The following PIK3R5 variants were observed in gnomAD, a reference collection of about 807,000 sequenced individuals.
PIK3R5 encodes phosphoinositide-3-kinase regulatory subunit 5, also known as phosphoinositide 3-kinase regulatory subunit 5.
A neutral mutation model predicts 94.9 loss-of-function variants in PIK3R5; 32 were observed. The observed-to-expected ratio is 0.34, with a 90% CI of 0.25 to 0.45. The LOEUF (loss-of-function observed/expected upper bound fraction) is 0.45. Ranked by LOEUF, PIK3R5 falls within the 20% of genes least tolerant of loss-of-function variation. The pLI is 1.00. For synonymous variants in PIK3R5, 443 were observed against 479.4 expected (o/e 0.92, Z 0.99); for missense variants, 853 against 1,144.6 (o/e 0.75, Z 3.68).
chr17:8,913,282 T>C (rs963748740), intron 1 of PIK3R5, among the ~76,000 whole-genome samples: 14 of 152,142 alleles, frequency 9.2e-5, no homozygotes, highest in African/African-American at 3.1e-4. Context: ...ACAGTCTGGG[T>C]GCAGGAATTA....
chr17:8,881,921 C>G lies in PIK3R5; in HGVS notation c.2206-40G>C. The G allele has an allele frequency of 1.4e-6, 2 of 1,473,952 alleles. No individual in the cohort carries two copies. Among genetic ancestry groups the G allele is most frequent in the Non-Finnish European group, 1.9e-6 (2 of 1,060,136 alleles). The allele number at this position is 1,473,952 out of a possible 1,614,324, so 91.3% of individuals were successfully genotyped here. A position where few individuals can be genotyped will look rare whatever the true frequency, so the allele number is the denominator to read the frequency against. ...TAGCCAGACCCTCTGAGTCCAGAGG[C>G]CCCGGTGCCTGCTGCCTTCTCTTTG... is the stretch of plus-strand genomic sequence containing the variant. On this transcript the variant is annotated intron_variant, in intron 15 of 18. Coordinates refer to ENST00000447110, the MANE Select transcript of PIK3R5 (RefSeq NM_001142633.3). The surrounding 1 kb of genome is among the most constrained non-coding windows in gnomAD (Gnocchi z 4.8).
intron 5 of PIK3R5, among the ~76,000 whole-genome samples, chr17:8,901,240 G>C (rs1275259131): frequency 6.6e-6 from 1 of 152,214 alleles, no homozygotes; most frequent in Non-Finnish European, 1.5e-5. Flanking sequence ...GGCAAACCCA[G>C]CTTTTACCTT....
At chr17:8,964,515 G>A (rs1297788704) in intron 1 of PIK3R5, among the ~76,000 whole-genome samples, 2 of 152,146 alleles carry the variant, frequency 1.3e-5, no homozygotes, top group African/African-American at 4.8e-5. Context: ...AGCTGGATCC[G>A]GTTGGAACTT....
At position 8,880,550 on chromosome 17, in the gene PIK3R5, A is replaced by G; in HGVS notation, c.*89T>C. Reference sequence around the variant, plus strand: ...TGGGACTATGGCTCTGCACAGGGCCATTCAGTTCTCCACAGAGAGGGACTG... The same window carrying G: ...TGGGACTATGGCTCTGCACAGGGCCGTTCAGTTCTCCACAGAGAGGGACTG... On this transcript the variant is annotated 3_prime_UTR_variant, in exon 19 of 19. Coordinates refer to ENST00000447110, the MANE Select transcript of PIK3R5 (RefSeq NM_001142633.3). The G allele has an allele frequency of 7.5e-7, 1 of 1,326,354 alleles. No individual in the cohort carries two copies. The highest frequency in any genetic ancestry group is 1.0e-6 in the Non-Finnish European group (1 of 988,654). 82.2% of individuals were successfully genotyped at this position (1,326,354 alleles called of 1,614,324 possible).
chr17:8,887,677 C>T lies in PIK3R5; in HGVS notation c.1623G>A (p.Leu541=). ...GTGTGAGGAGTGGGCGATTGTTCTCCAGCCGCCTGGCAAGAAGAAGATGGT... is the reference window on the plus strand; with the variant it reads ...GTGTGAGGAGTGGGCGATTGTTCTCTAGCCGCCTGGCAAGAAGAAGATGGT... ...VARAYSNLRR[L]ENNRPLLTRF... is the part of the protein sequence containing the mutation. Residue 541 remains leucine (L), a synonymous_variant, in exon 11 of 19, where the codon CTG becomes CTA. Coordinates refer to ENST00000447110, the MANE Select transcript of PIK3R5 (RefSeq NM_001142633.3). The T allele has an allele frequency of 1.3e-6, 2 of 1,595,342 alleles. No homozygotes were observed. The highest frequency in any genetic ancestry group is 8.5e-7 in the Non-Finnish European group (1 of 1,170,804).
Position 8,888,415 on chromosome 17 carries a change from T to TCCCGC in PIK3R5, c.1371_1372insGCGGG (p.Ser458AlafsTer51). ...GGTTCGTCCAGGGGGCTGCAGAGGC[T>TCCCGC]CCCTGCCCGCCTCAGGGGCAGGGCC... On this transcript the variant is annotated frameshift_variant, in exon 10 of 19. Transcript: ENST00000447110. LOFTEE classifies it high-confidence loss of function. This position sits in a 1 kb window ranked among gnomAD's most constrained non-coding sequence, Gnocchi z 7.8. The TCCCGC allele has an allele frequency of 6.4e-7, 1 of 1,571,104 alleles. No homozygotes were observed. The highest frequency in any genetic ancestry group is 8.6e-7 in the Non-Finnish European group (1 of 1,163,198).
intron 1 of PIK3R5, among the ~76,000 whole-genome samples, chr17:8,918,854 T>C (rs1030070312): frequency 6.6e-6 from 1 of 152,250 alleles, no homozygotes; most frequent in African/African-American, 2.4e-5. Flanking sequence ...ATGTATCCCC[T>C]GCTGTAATGC....
chr17:8,919,892 T>C (rs925380723), intron 1 of PIK3R5, among the ~76,000 whole-genome samples: 1 of 140,376 alleles, frequency 7.1e-6, no homozygotes, highest in Non-Finnish European at 1.5e-5. Flanking sequence ...TTCCTTCTTT[T>C]TTTTTTTTTT....
At position 8,889,618 on chromosome 17, in the gene PIK3R5, C is replaced by T. The variant is rs61759655; in HGVS notation, c.811+355G>A. On this transcript the variant is annotated intron_variant, in intron 8 of 18. Coordinates refer to ENST00000447110, the MANE Select transcript of PIK3R5 (RefSeq NM_001142633.3). The surrounding 1 kb of genome is among the most constrained non-coding windows in gnomAD (Gnocchi z 4.1). ...CTGGAGTCATAGAGACGATGTTTCC[C>T]AGGCTCCTTTGGGGCAAGATGTGGC... Among the ~76,000 whole-genome samples the T allele has an allele frequency of 1.1e-4, 16 of 152,264 alleles. No homozygotes were observed. The highest frequency in any genetic ancestry group is 2.1e-4 in the Non-Finnish European group (14 of 68,010).
chr17:8,881,579 G>C lies in PIK3R5; in HGVS notation c.2382+51C>G. On this transcript the variant is annotated intron_variant, in intron 17 of 18. Coordinates refer to ENST00000447110, the MANE Select transcript of PIK3R5 (RefSeq NM_001142633.3). This position sits in a 1 kb window ranked among gnomAD's most constrained non-coding sequence, Gnocchi z 4.8. ...CACGTACACACATACGCACATGCACGCTCCAGTAAGTCTCTTGAGGGTATG... is the reference window on the plus strand; with the variant it reads ...CACGTACACACATACGCACATGCACCCTCCAGTAAGTCTCTTGAGGGTATG... 8.2e-7 allele frequency: 1 copy of C among 1,217,026 alleles called. No homozygotes were observed. Among genetic ancestry groups the C allele is most frequent in the Admixed American group, 2.0e-5 (1 of 50,834 alleles). The allele number at this position is 1,217,026 out of a possible 1,614,324, so 75.4% of individuals were successfully genotyped here.
intron 1 of PIK3R5, among the ~76,000 whole-genome samples, chr17:8,928,787 AAAAG>A (rs2090935850): frequency 2.6e-5 from 4 of 152,216 alleles, no homozygotes; most frequent in Non-Finnish European, 5.9e-5. Flanking sequence ...AAAGGATAAT[AAAAG>A]AAAGAAATCT....
intron 1 of PIK3R5, among the ~76,000 whole-genome samples, chr17:8,913,715 A>G (rs2090576081): frequency 6.6e-6 from 1 of 152,212 alleles, no homozygotes; most frequent in African/African-American, 2.4e-5. Flanking sequence ...CCATCTCAAA[A>G]AGAAAACAAA....
chr17:8,946,672 C>T (rs1195670525), intron 1 of PIK3R5, among the ~76,000 whole-genome samples: 1 of 152,134 alleles, frequency 6.6e-6, no homozygotes, highest in Non-Finnish European at 1.5e-5. Context: ...CTGAGCTGCT[C>T]ACATGCCAGC....
chr17:8,957,974 G>GCA (rs2091492199), intron 1 of PIK3R5, among the ~76,000 whole-genome samples: 2 of 152,184 alleles, frequency 1.3e-5, no homozygotes, highest in East Asian at 3.8e-4. Flanking sequence ...GACAACGGCA[G>GCA]CACAGAAAAG....
rs558912906 is a variant in PIK3R5 at position 8,904,693 on chromosome 17, G to A, written c.412+84C>T. On this transcript the variant is annotated intron_variant, in intron 5 of 18. Coordinates refer to ENST00000447110, the MANE Select transcript of PIK3R5 (RefSeq NM_001142633.3). This position sits in a 1 kb window ranked among gnomAD's most constrained non-coding sequence, Gnocchi z 5.1. ...GAATCAAAGGATGCAAGGTAAGGAG[G>A]GTCACAAAAAACAGTTTCAGAGGAG... 1 of 1,383,736 alleles carries A rather than the reference G, an allele frequency of 7.2e-7. No homozygotes were observed. Among genetic ancestry groups the A allele is most frequent in the East Asian group, 2.3e-5 (1 of 43,458 alleles). 85.7% of individuals were successfully genotyped at this position (1,383,736 alleles called of 1,614,324 possible).
At chr17:8,918,440 A>G (rs958637935) in intron 1 of PIK3R5, among the ~76,000 whole-genome samples, 5 of 152,258 alleles carry the variant, frequency 3.3e-5, no homozygotes, top group African/African-American at 1.2e-4. Context: ...AAAGTGATGA[A>G]TTATAACTCA....
At chr17:8,915,413 C>CAAA (rs201916256) in intron 1 of PIK3R5, among the ~76,000 whole-genome samples, 3 of 104,032 alleles carry the variant, frequency 2.9e-5, no homozygotes, top group African/African-American at 6.7e-5. Context: ...GACTCTGTCT[C>CAAA]AAAAAAAAAA....
rs61761133 is a variant in PIK3R5 at position 8,881,405 on chromosome 17, C to T, written c.2382+225G>A. ...CAGGGCACCCCTACCTCCCCGACAC[C>T]CCGCAACACTCCACACCTGTGTGCA... On this transcript the variant is annotated intron_variant, in intron 17 of 18. Coordinates refer to ENST00000447110, the MANE Select transcript of PIK3R5 (RefSeq NM_001142633.3). The surrounding 1 kb of genome is among the most constrained non-coding windows in gnomAD (Gnocchi z 4.8). 0.016 allele frequency among the ~76,000 whole-genome samples: 2,447 copies of T among 152,156 alleles called. 70 individuals carry two copies. Among genetic ancestry groups the T allele is most frequent in the African/African-American group, 0.054 (2,247 of 41,496 alleles).
chr17:8,911,272 A>T lies in PIK3R5; in HGVS notation c.103+120T>A. The stretch of plus-strand genomic sequence containing the variant: ...CCCAGGAGAAGGCTGAGGCTTGCCC[A>T]AGTCACACAGACAGGGTTTCACCTA... On this transcript the variant is annotated intron_variant, in intron 2 of 18. Transcript: ENST00000447110. This position sits in a 1 kb window ranked among gnomAD's most constrained non-coding sequence, Gnocchi z 5.3. 1.3e-6 allele frequency: 1 copy of T among 752,136 alleles called. No individual in the cohort carries two copies. 46.6% of individuals were successfully genotyped at this position (752,136 alleles called of 1,614,324 possible).
Sources: gnomAD v4.1 joint callset for allele counts (sites outside exome capture counted in the v4.1 genomes callset) on GRCh38, gnomAD v4.1.1 for gene constraint, Gnocchi (gnomAD v3.1) non-coding constraint, MANE v1.5 for transcripts, NCBI Gene and HGNC (gene_info 2026-07-23, HGNC 2026-07-21) for gene names.